The following DYNC2I1 variants were observed in gnomAD, a reference collection of about 807,000 sequenced individuals.
DYNC2I1 encodes the protein cytoplasmic dynein 2 intermediate chain 1.
In DYNC2I1, 89 loss-of-function variants were observed where a neutral mutation model predicts 133.4. The ratio of observed to expected loss-of-function variants is 0.67; its 90% CI spans 0.56 to 0.80. The LOEUF (loss-of-function observed/expected upper bound fraction) is 0.80. Ranked by LOEUF, DYNC2I1 falls within the 30% of genes least tolerant of loss-of-function variation. The probability of loss-of-function intolerance (pLI) is 0.00; values close to 1 mark genes in which losing one functional copy is unlikely to be tolerated. For synonymous variants in DYNC2I1, 504 were observed against 484.3 expected (o/e 1.04, Z -0.54); for missense variants, 1,291 against 1,314.5 (o/e 0.98, Z 0.28).
chr7:158,899,998 A>G (rs1371173061), intron 8 of DYNC2I1, among the ~76,000 whole-genome samples: 1 of 152,102 alleles, frequency 6.6e-6, no homozygotes, highest in East Asian at 1.9e-4. Flanking sequence ...CTTTGGAAGC[A>G]TAATTTTATA....
chr7:158,872,695 A>T (rs926156923), intron 3 of DYNC2I1, among the ~76,000 whole-genome samples: 3 of 151,610 alleles, frequency 2.0e-5, no homozygotes, highest in African/African-American at 7.3e-5. Context: ...CTAGAGTTTT[A>T]CTATTAAAAC....
chr7:158,884,675 T>C (rs1844422446), intron 6 of DYNC2I1, 56 bp downstream of exon 6: 16 of 1,582,178 alleles, frequency 1.0e-5, no homozygotes, highest in Admixed American at 1.8e-5. Flanking sequence ...CATGGAATGC[T>C]TCAGGGAATT....
chr7:158,920,206 AGT>A (rs1848902798), intron 15 of DYNC2I1, among the ~76,000 whole-genome samples: 1 of 149,630 alleles, frequency 6.7e-6, no homozygotes, highest in Non-Finnish European at 1.5e-5. Flanking sequence ...GAACACGTGA[AGT>A]GTGTGCGCAT....
At position 158,871,398 on chromosome 7, in the gene DYNC2I1, G is replaced by A. The variant is rs755486856; in HGVS notation, c.326G>A (p.Arg109Gln). The A allele has an allele frequency of 9.0e-6, 14 of 1,551,596 alleles. No homozygotes were observed. Among genetic ancestry groups the A allele is most frequent in the Non-Finnish European group, 1.1e-5 (13 of 1,147,022 alleles). ...AAAGAAAAGCTGAAGGAGAAACATC[G>A]AGAGGCAGAAAAGTCTCACAGCAGA... ...REKEKLKEKH[R>Q]EAEKSHSRGK... The change falls in exon 3 of 25, where the codon CGA becomes CAA. Residue 109 changes from arginine (R) to glutamine (Q), a missense_variant. Transcript: ENST00000407559.
At chr7:158,869,718 C>T in intron 1 of DYNC2I1, 137 bp from the exon 2 acceptor site, 1 of 630,284 alleles carries the variant, frequency 1.6e-6, no homozygotes, top group Non-Finnish European at 2.8e-6. Context: ...ACCTTTTATT[C>T]CAGGAGGTAG....
intron 20 of DYNC2I1, among the ~76,000 whole-genome samples, chr7:158,929,043 C>T (rs1849920949): frequency 6.6e-6 from 1 of 152,108 alleles, no homozygotes; most frequent in African/African-American, 2.4e-5. Context: ...TAAAGGATAT[C>T]CTGGGGTGGT....
At chr7:158,938,944 A>C (rs956753654) in intron 23 of DYNC2I1, among the ~76,000 whole-genome samples, 1 of 152,234 alleles carries the variant, frequency 6.6e-6, no homozygotes, top group Non-Finnish European at 1.5e-5. Context: ...ATGAAGCCAA[A>C]AAGACCTATT....
chr7:158,945,478 C>G lies in DYNC2I1; in HGVS notation c.3003-103C>G. 1 of 1,250,132 alleles carries G rather than the reference C, an allele frequency of 8.0e-7. No individual in the cohort carries two copies. Among genetic ancestry groups the G allele is most frequent in the Non-Finnish European group, 1.1e-6 (1 of 916,558 alleles). 77.4% of individuals were successfully genotyped at this position (1,250,132 alleles called of 1,614,324 possible). On this transcript the variant is annotated intron_variant, in intron 24 of 24. Transcript: ENST00000407559. This position sits in a 1 kb window ranked among gnomAD's most constrained non-coding sequence, Gnocchi z 4.1. ...TATTGGTATTTTTAGAATTTCTCATCCGTTTCACTCTTCCCATGGAAGGTA... is the reference window on the plus strand; with the variant it reads ...TATTGGTATTTTTAGAATTTCTCATGCGTTTCACTCTTCCCATGGAAGGTA...
intron 11 of DYNC2I1, among the ~76,000 whole-genome samples, chr7:158,911,315 A>G (rs1044982164): frequency 6.6e-5 from 10 of 152,114 alleles, no homozygotes; most frequent in African/African-American, 2.4e-4. Flanking sequence ...TGACACACAC[A>G]CGAGGCAGTC....
chr7:158,928,611 C>A (rs1394856249), intron 20 of DYNC2I1, among the ~76,000 whole-genome samples: 1 of 152,138 alleles, frequency 6.6e-6, no homozygotes, highest in Non-Finnish European at 1.5e-5. Flanking sequence ...ATTCTTTATG[C>A]GGCACCCTCT....
chr7:158,911,124 G>A (rs1454234269), intron 11 of DYNC2I1, among the ~76,000 whole-genome samples: 1 of 152,198 alleles, frequency 6.6e-6, no homozygotes, highest in Non-Finnish European at 1.5e-5. Flanking sequence ...GGAAAAGAGC[G>A]TGGCCCAAAA....
Position 158,913,007 on chromosome 7 carries a change from A to T in DYNC2I1, c.1613A>T (p.Asp538Val). 1 of 1,612,932 alleles carries T rather than the reference A, an allele frequency of 6.2e-7. No individual in the cohort carries two copies. The highest frequency in any genetic ancestry group is 8.5e-7 in the Non-Finnish European group (1 of 1,179,450). The change falls in exon 13 of 25, where the codon GAT becomes GTT. Residue 538 changes from aspartate (D) to valine (V), a missense_variant. Coordinates refer to ENST00000407559, the MANE Select transcript of DYNC2I1 (RefSeq NM_018051.5). ...AAGGCATATGTTCAGTGTAACGAAGATAATGTTGAAAGAGACATTCAAACG... is the reference window on the plus strand; with the variant it reads ...AAGGCATATGTTCAGTGTAACGAAGTTAATGTTGAAAGAGACATTCAAACG... ...TKQAYVQCNEDNVERDIQTEE... is the reference protein window; with the variant it reads ...TKQAYVQCNEVNVERDIQTEE...
chr7:158,892,582 T>TA (rs1328104211), intron 8 of DYNC2I1, among the ~76,000 whole-genome samples: 1 of 152,008 alleles, frequency 6.6e-6, no homozygotes, highest in Non-Finnish European at 1.5e-5. Context: ...GTTGGGATCA[T>TA]AGGCATGAGA....
At chr7:158,892,341 T>C (rs1406169993) in intron 8 of DYNC2I1, among the ~76,000 whole-genome samples, 1 of 152,244 alleles carries the variant, frequency 6.6e-6, no homozygotes, top group Non-Finnish European at 1.5e-5. Flanking sequence ...GTATATGTTA[T>C]TTAATATAAT....
Position 158,869,918 on chromosome 7 carries a change from G to T in DYNC2I1, c.69+10G>T, listed in dbSNP as rs1285501755. 2.5e-6 allele frequency: 4 copies of T among 1,612,706 alleles called. No homozygotes were observed. In the African/African-American group the frequency reaches 5.3e-5, roughly 22 times the overall value. On this transcript the variant is annotated intron_variant, in intron 2 of 24. Coordinates refer to ENST00000407559, the MANE Select transcript of DYNC2I1 (RefSeq NM_018051.5). Reference sequence around the variant, plus strand: ...CAGAAAACATCTCTGGGTAATTATTGTAAAGATTTGGATTGGGATCTGTGC... The same window carrying T: ...CAGAAAACATCTCTGGGTAATTATTTTAAAGATTTGGATTGGGATCTGTGC...
intron 10 of DYNC2I1, chr7:158,905,285 T>G (rs1278484412): frequency 6.1e-6 from 2 of 326,974 alleles, no homozygotes; most frequent in East Asian, 1.7e-4. Context: ...GGACTACAGG[T>G]GCTCGTCACC....
chr7:158,913,170 T>C, intron 13 of DYNC2I1, 74 bp downstream of exon 13: 1 of 1,136,310 alleles, frequency 8.8e-7, no homozygotes, highest in Non-Finnish European at 1.3e-6. Context: ...ACTTATTCCC[T>C]TTCTGGTTCA....
At chr7:158,895,238 A>G (rs1845653969) in intron 8 of DYNC2I1, among the ~76,000 whole-genome samples, 1 of 152,164 alleles carries the variant, frequency 6.6e-6, no homozygotes, top group Non-Finnish European at 1.5e-5. Context: ...AAAGTCATCT[A>G]GATTTGTCCT....
chr7:158,941,122 T>G (rs1404994334), intron 23 of DYNC2I1, among the ~76,000 whole-genome samples: 1 of 151,912 alleles, frequency 6.6e-6, no homozygotes, highest in Non-Finnish European at 1.5e-5. Context: ...TAAAATAAAA[T>G]CAGAAACCAA....
Sources: allele counts gnomAD v4.1 joint callset (sites outside exome capture counted in the v4.1 genomes callset), GRCh38; gene constraint gnomAD v4.1.1; non-coding constraint Gnocchi (gnomAD v3.1); transcripts MANE v1.5; gene names NCBI Gene and HGNC (gene_info 2026-07-23, HGNC 2026-07-21).